Variants in CDYL observed in about 807,000 individuals in gnomAD.
The protein encoded by CDYL is chromodomain Y-like protein.
CDYL carries 8 observed loss-of-function variants against 47.3 expected under a neutral mutation model. The observed-to-expected ratio is 0.17, with a 90% CI of 0.10 to 0.31. The LOEUF (loss-of-function observed/expected upper bound fraction) is 0.31. Among genes scored for constraint, CDYL ranks in the 10% least tolerant of loss-of-function variants. The pLI, the probability that CDYL is intolerant of heterozygous loss-of-function variation, is 1.00. For missense variants in CDYL, 471 were observed against 701.4 expected, an observed-to-expected ratio of 0.67 and a Z score of 3.71; for synonymous variants, 266 against 265.0, an observed-to-expected ratio of 1.00 and a Z score of -0.04.
At chr6:4,730,852 C>T (rs138126049) in intron 2 of CDYL, among the ~76,000 whole-genome samples, 104 of 152,274 alleles carry the variant, frequency 6.8e-4, no homozygotes, top group African/African-American at 2.4e-3. Flanking sequence ...CTCACCACCC[C>T]GTTCTGGTGA....
At chr6:4,739,028 G>T (rs1286153512) in intron 3 of CDYL, among the ~76,000 whole-genome samples, 1 of 152,060 alleles carries the variant, frequency 6.6e-6, no homozygotes, top group African/African-American at 2.4e-5. Context: ...GGGCGTGGTG[G>T]CACATGCCTG....
intron 3 of CDYL, among the ~76,000 whole-genome samples, chr6:4,753,936 C>G (rs1240184709): frequency 2.0e-5 from 3 of 152,132 alleles, no homozygotes; most frequent in African/African-American, 7.2e-5. Flanking sequence ...GTTCTTACCC[C>G]CTTTTTCCCT....
intron 1 of CDYL, among the ~76,000 whole-genome samples, chr6:4,868,384 T>C (rs898001683): frequency 6.6e-6 from 1 of 152,022 alleles, no homozygotes; most frequent in African/African-American, 2.4e-5. Context: ...GAAGTGTGTT[T>C]TTTTAATTTT....
chr6:4,845,810 C>T (rs1251956973), intron 1 of CDYL, among the ~76,000 whole-genome samples: 1 of 152,176 alleles, frequency 6.6e-6, no homozygotes, highest in Non-Finnish European at 1.5e-5. Context: ...AAAAACCATT[C>T]TTACTTTGCA....
intron 2 of CDYL, among the ~76,000 whole-genome samples, chr6:4,725,709 G>A (rs1345745757): frequency 6.6e-6 from 1 of 152,252 alleles, no homozygotes; most frequent in Non-Finnish European, 1.5e-5. Flanking sequence ...CCCGCAAGCT[G>A]AGGGAAGCAG....
chr6:4,740,789 C>CTTTT (rs57810529), intron 3 of CDYL, among the ~76,000 whole-genome samples: 1 of 140,684 alleles, frequency 7.1e-6, no homozygotes, highest in Non-Finnish European at 1.6e-5. Flanking sequence ...ACTCTAAAAT[C>CTTTT]TTTTTTTTTT....
At chr6:4,926,808 G>C (rs1474427763) in intron 2 of CDYL, among the ~76,000 whole-genome samples, 1 of 107,396 alleles carries the variant, frequency 9.3e-6, no homozygotes, top group African/African-American at 2.9e-5. Context: ...TACCCCTTCT[G>C]TTATCTTTCA....
intron 2 of CDYL, among the ~76,000 whole-genome samples, chr6:4,892,930 C>T (rs1416625720): frequency 6.6e-6 from 1 of 152,194 alleles, no homozygotes. Flanking sequence ...CTGCCTGGCA[C>T]CGGTGGTGTC....
intron 1 of CDYL, among the ~76,000 whole-genome samples, chr6:4,825,461 G>C (rs547344157): frequency 2.6e-5 from 4 of 152,156 alleles, no homozygotes; most frequent in African/African-American, 9.7e-5. Context: ...TCACAATTGA[G>C]TGTATTAGCT....
chr6:4,943,788 G>C (rs781558668), intron 5 of CDYL, 32 bp downstream of exon 5: 24 of 771,800 alleles, frequency 3.1e-5, no homozygotes, highest in Non-Finnish European at 4.4e-5. Context: ...AAAAAAAAAA[G>C]TCATTCTAGA....
At chr6:4,806,013 T>C (rs1223522517) in intron 1 of CDYL, among the ~76,000 whole-genome samples, 1 of 152,140 alleles carries the variant, frequency 6.6e-6, no homozygotes, top group Non-Finnish European at 1.5e-5. Flanking sequence ...CGCAGGAGCA[T>C]GAGGAAGGAG....
rs991948389 is a variant in CDYL at position 4,707,639 on chromosome 6, A to C, written c.-39+1388A>C. The stretch of plus-strand genomic sequence containing the variant: ...CAAATCCCTTACCTGGGCATTCAAG[A>C]CCTTAAAAAATCAGACTTCTAAAAT... On this transcript the variant is annotated intron_variant, in intron 1 of 8. Coordinates refer to the CDYL transcript ENST00000328908. Among the ~76,000 whole-genome samples the C allele has an allele frequency of 2.0e-5, 3 of 152,274 alleles. No homozygotes were observed. The East Asian group carries it at 5.8e-4, about 29-fold the overall frequency.
rs1021063614 is a variant in CDYL, at chr6:4,860,662, G to A, written c.25-31051G>A. ...ATATAATATATAAATAATATATATA[G>A]GAGTTTATTAAGTATTAACTTACAC... On this transcript the variant is annotated intron_variant, in intron 1 of 6. Transcript: ENST00000397588. 7.5e-5 allele frequency among the ~76,000 whole-genome samples: 11 copies of A among 147,242 alleles called. No homozygotes were observed. The East Asian group carries it at 1.8e-3, about 24-fold the overall frequency.
chr6:4,930,014 C>G (rs1235585131), intron 2 of CDYL, among the ~76,000 whole-genome samples: 1 of 152,122 alleles, frequency 6.6e-6, no homozygotes, highest in African/African-American at 2.4e-5. Flanking sequence ...CCTTTCACAG[C>G]TTACTTTGAA....
At chr6:4,790,135 G>T (rs1359685690) in intron 1 of CDYL, among the ~76,000 whole-genome samples, 2 of 152,160 alleles carry the variant, frequency 1.3e-5, no homozygotes, top group Non-Finnish European at 2.9e-5. Context: ...ATCTCTTTTG[G>T]ATATATGCTG....
At chr6:4,887,263 G>A (rs1235782777) in intron 1 of CDYL, among the ~76,000 whole-genome samples, 2 of 152,100 alleles carry the variant, frequency 1.3e-5, no homozygotes, top group African/African-American at 2.4e-5. Context: ...TAAGAGTTAC[G>A]TCGAATCTAA....
chr6:4,863,139 A>G lies in CDYL; in HGVS notation c.25-28574A>G, dbSNP rs74693138. ...ACCACATTTTCACTTATAAGTGGGA[A>G]CTAAACAGTGGGTACGCATGGATGT... On this transcript the variant is annotated intron_variant, in intron 1 of 6. Coordinates refer to ENST00000397588, the MANE Select transcript of CDYL (RefSeq NM_004824.4). Among the ~76,000 whole-genome samples, 330 of 152,344 alleles carry G rather than the reference A, an allele frequency of 2.2e-3. 3 individuals are homozygous for G. The highest frequency in any genetic ancestry group is 3.1e-3 in the Non-Finnish European group (213 of 68,032).
At chr6:4,758,346 A>AT (rs1758107454) in intron 3 of CDYL, among the ~76,000 whole-genome samples, 2 of 65,218 alleles carry the variant, frequency 3.1e-5, no homozygotes, top group South Asian at 8.0e-4. Context: ...TCTTGAAAAT[A>AT]AATAAATATA....
At chr6:4,767,820 A>T (rs1758278890) in intron 3 of CDYL, among the ~76,000 whole-genome samples, 1 of 152,230 alleles carries the variant, frequency 6.6e-6, no homozygotes, top group Non-Finnish European at 1.5e-5. Flanking sequence ...TGCAGTTGGC[A>T]TCAGCGAAGC....
Sources: allele counts gnomAD v4.1 joint callset (sites outside exome capture counted in the v4.1 genomes callset), GRCh38; gene constraint gnomAD v4.1.1; transcripts MANE v1.5; gene names NCBI Gene and HGNC (gene_info 2026-07-23, HGNC 2026-07-21).